Variants in RASGRF2 observed in about 807,000 individuals in gnomAD.
The protein encoded by RASGRF2 is ras-specific guanine nucleotide-releasing factor 2.
RASGRF2 carries 76 observed loss-of-function variants against 151.0 expected under a neutral mutation model. The observed-to-expected ratio is 0.50, with a 90% CI of 0.42 to 0.61. The LOEUF is 0.61. Ranked by LOEUF, RASGRF2 falls within the 20% of genes least tolerant of loss-of-function variation. The pLI is 0.00. For synonymous variants in RASGRF2, 504 were observed against 566.5 expected (o/e 0.89, Z 1.57); for missense variants, 1,148 against 1,564.6 (o/e 0.73, Z 4.49).
chr5:81,202,926 C>G (rs1040744411), intron 19 of RASGRF2, among the ~76,000 whole-genome samples: 1 of 152,204 alleles, frequency 6.6e-6, no homozygotes, highest in Non-Finnish European at 1.5e-5. Flanking sequence ...GCTGACTGTT[C>G]GATTACAGAC....
chr5:80,973,170 C>T (rs548928755), intron 1 of RASGRF2, among the ~76,000 whole-genome samples: 2 of 152,318 alleles, frequency 1.3e-5, no homozygotes, highest in African/African-American at 4.8e-5. Flanking sequence ...CTCTCCCCTG[C>T]TGCTCTGATA....
rs1442011925 is a variant in RASGRF2 at position 81,217,136 on chromosome 5, T to C, written c.3435-220T>C. On this transcript the variant is annotated intron_variant, in intron 24 of 26. Transcript: ENST00000265080. Reference sequence around the variant, plus strand: ...TGTTGTTTGAATATGCCATTTTTTTTCAAACACGTAGTAAAGCAGGGGCTG... The same window carrying C: ...TGTTGTTTGAATATGCCATTTTTTTCCAAACACGTAGTAAAGCAGGGGCTG... 5 of 624,706 alleles carry C rather than the reference T, an allele frequency of 8.0e-6. No individual in the cohort carries two copies. In the East Asian group the frequency reaches 1.4e-4, roughly 18 times the overall value. 38.7% of individuals were successfully genotyped at this position (624,706 alleles called of 1,614,324 possible).
At chr5:80,981,115 A>G (rs114655750) in intron 1 of RASGRF2, among the ~76,000 whole-genome samples, 105 of 152,344 alleles carry the variant, frequency 6.9e-4, no homozygotes, top group African/African-American at 2.4e-3. Context: ...CAGCAATACT[A>G]CTTGTTTATA....
chr5:81,077,654 A>C (rs1751977377), intron 5 of RASGRF2, among the ~76,000 whole-genome samples: 1 of 152,244 alleles, frequency 6.6e-6, no homozygotes, highest in South Asian at 2.1e-4. Flanking sequence ...ATCCTCAGGC[A>C]GTACAGCATT....
chr5:81,118,503 T>G (rs140600790), intron 15 of RASGRF2, among the ~76,000 whole-genome samples: 186 of 152,328 alleles, frequency 1.2e-3, no homozygotes, highest in African/African-American at 4.4e-3. Flanking sequence ...GTCTGAAAGA[T>G]CTCTGAAATA....
At chr5:81,207,403 G>A in intron 21 of RASGRF2, 54 bp downstream of exon 21, 1 of 1,462,952 alleles carries the variant, frequency 6.8e-7, no homozygotes, top group Non-Finnish European at 9.6e-7. Context: ...TGTCTTAGAA[G>A]TTGACATTAT....
Position 81,108,834 on chromosome 5 carries a change from C to CTGTG in RASGRF2, c.1756-118_1756-115dup, listed in dbSNP as rs10606038. On this transcript the variant is annotated intron_variant, in intron 12 of 26. Transcript: ENST00000265080. ...CATCAGTGTATAATATTTACCTACT[C>CTGTG]TGTGTGTGTGTGTGTGTGTGTGTGT... Among the ~76,000 whole-genome samples, 918 of 139,896 alleles carry CTGTG rather than the reference C, an allele frequency of 6.6e-3. 8 individuals carry two copies. Among genetic ancestry groups the CTGTG allele is most frequent in the African/African-American group, 0.021 (807 of 37,734 alleles). The allele number at this position is 139,896 out of a possible 152,430, so 91.8% of individuals were successfully genotyped here.
Position 81,063,914 on chromosome 5 carries a change from T to C in RASGRF2, c.396-4118T>C, listed in dbSNP as rs79529917. Among the ~76,000 whole-genome samples, 1,009 of 152,342 alleles carry C rather than the reference T, an allele frequency of 6.6e-3. 7 individuals carry two copies. Among genetic ancestry groups the C allele is most frequent in the African/African-American group, 0.022 (901 of 41,570 alleles). On this transcript the variant is annotated intron_variant, in intron 2 of 26. Coordinates refer to ENST00000265080, the MANE Select transcript of RASGRF2 (RefSeq NM_006909.3). Reference sequence around the variant, plus strand: ...TGTAGGTAGTAAGTACCTTTTTTCCTGAATTAGCTTTGTTTCTTTTAATGT... The same window carrying C: ...TGTAGGTAGTAAGTACCTTTTTTCCCGAATTAGCTTTGTTTCTTTTAATGT...
At chr5:80,993,194 C>T (rs535481739) in intron 1 of RASGRF2, among the ~76,000 whole-genome samples, 4 of 152,310 alleles carry the variant, frequency 2.6e-5, no homozygotes, top group African/African-American at 9.6e-5. Flanking sequence ...CTGCACCTCC[C>T]TGGCTGCCTC....
intron 2 of RASGRF2, among the ~76,000 whole-genome samples, chr5:81,044,275 G>C (rs866477906): frequency 2.0e-5 from 3 of 152,008 alleles, no homozygotes; most frequent in Non-Finnish European, 4.4e-5. Context: ...AAAATTAGCC[G>C]GGCATGGTGG....
intron 12 of RASGRF2, among the ~76,000 whole-genome samples, chr5:81,095,419 G>A (rs540089521): frequency 1.3e-5 from 2 of 152,302 alleles, no homozygotes; most frequent in African/African-American, 4.8e-5. Flanking sequence ...AATCAAAAGA[G>A]ACACCGTCTC....
At chr5:81,168,294 CT>C (rs1206791721) in intron 17 of RASGRF2, among the ~76,000 whole-genome samples, 13 of 131,798 alleles carry the variant, frequency 9.9e-5, no homozygotes, top group South Asian at 7.4e-4. Context: ...ATGCCAGCGT[CT>C]TTTTTTTTCT....
intron 17 of RASGRF2, among the ~76,000 whole-genome samples, chr5:81,136,288 C>T (rs146807263): frequency 8.5e-5 from 13 of 152,282 alleles, no homozygotes; most frequent in East Asian, 3.9e-4. Flanking sequence ...TTTTTCTCTG[C>T]GTAAAGAACT....
At chr5:80,995,941 C>T (rs1462371923) in intron 1 of RASGRF2, among the ~76,000 whole-genome samples, 1 of 152,028 alleles carries the variant, frequency 6.6e-6, no homozygotes, top group Non-Finnish European at 1.5e-5. Context: ...GATCTGCCCG[C>T]CCTGGCCTTG....
chr5:81,109,127 C>T (rs762640232), intron 13 of RASGRF2, 49 bp downstream of exon 13: 60 of 1,575,296 alleles, frequency 3.8e-5, no homozygotes, highest in East Asian at 2.7e-4. Context: ...ATTAAATTGG[C>T]GGAACATGTA....
intron 9 of RASGRF2, among the ~76,000 whole-genome samples, chr5:81,091,822 T>C (rs1013781608): frequency 6.6e-6 from 1 of 152,162 alleles, no homozygotes; most frequent in African/African-American, 2.4e-5. Context: ...GTGATGACTG[T>C]TGTTAATGTT....
intron 17 of RASGRF2, among the ~76,000 whole-genome samples, chr5:81,166,196 G>A (rs192125367): frequency 6.6e-5 from 10 of 151,710 alleles, no homozygotes; most frequent in Non-Finnish European, 1.3e-4. Flanking sequence ...TTCTTTTTTT[G>A]TATTTTTTGA....
chr5:81,025,052 T>G (rs1749971222), intron 1 of RASGRF2, among the ~76,000 whole-genome samples: 1 of 152,190 alleles, frequency 6.6e-6, no homozygotes. Context: ...GATGCTCCCC[T>G]TTCAAGAAGC....
intron 18 of RASGRF2, among the ~76,000 whole-genome samples, chr5:81,193,347 T>C (rs1030206701): frequency 5.9e-5 from 9 of 152,188 alleles, no homozygotes; most frequent in African/African-American, 1.9e-4. Context: ...TCTAGCCTCA[T>C]TAATGCAAAC....
Sources: allele counts gnomAD v4.1 joint callset (sites outside exome capture counted in the v4.1 genomes callset), GRCh38; gene constraint gnomAD v4.1.1; transcripts MANE v1.5; gene names NCBI Gene and HGNC (gene_info 2026-07-23, HGNC 2026-07-21).